RAB3C: variants seen among roughly 807,000 people sequenced by gnomAD.
RAB3C encodes the protein ras-related protein Rab-3C.
Under a neutral mutation model 26.4 loss-of-function variants are expected in RAB3C, and 17 were observed. The ratio of observed to expected loss-of-function variants is 0.64; its 90% CI spans 0.44 to 0.97. The LOEUF (loss-of-function observed/expected upper bound fraction) is 0.97, where lower values mean the gene tolerates loss of function less well. RAB3C is among the 50% of genes least tolerant of loss of function. The pLI is 0.00. For synonymous variants in RAB3C, 91 were observed against 95.9 expected (o/e 0.95, Z 0.30); for missense variants, 242 against 281.9 (o/e 0.86, Z 1.01).
Position 58,782,903 on chromosome 5 carries a change from TCA to T in RAB3C, c.372-42132_372-42131del, listed in dbSNP as rs966489037. ...TTTAAAATATGAAGGCTTTTCATTT[TCA>T]CAGCCTTTGATTGTACTATGTCCCA... is the stretch of plus-strand genomic sequence containing the variant. On this transcript the variant is annotated intron_variant, in intron 3 of 4. Transcript: ENST00000282878. Among the ~76,000 whole-genome samples, 5 of 152,262 alleles carry T rather than the reference TCA, an allele frequency of 3.3e-5. 1 individual carries two copies. Among genetic ancestry groups the T allele is most frequent in the Admixed American group, 6.5e-5 (1 of 15,278 alleles).
At chr5:58,704,398 C>T (rs1748904776) in intron 2 of RAB3C, among the ~76,000 whole-genome samples, 1 of 152,116 alleles carries the variant, frequency 6.6e-6, no homozygotes, top group Non-Finnish European at 1.5e-5. Context: ...GAGGAAGCAG[C>T]TAGACTTCCA....
At chr5:58,650,716 G>T (rs1747625899) in intron 2 of RAB3C, among the ~76,000 whole-genome samples, 1 of 152,102 alleles carries the variant, frequency 6.6e-6, no homozygotes, top group Non-Finnish European at 1.5e-5. Flanking sequence ...CATCTCTAAA[G>T]GTGTATCTGC....
rs112487366 is a variant in RAB3C, at chr5:58,595,159, A to G, written c.24+11927A>G. ...ACAGAGTTTAGCAGAGCAGAGTTGC[A>G]TAGCTTTGAGAACATATTTACTGTT... On this transcript the variant is annotated intron_variant, in intron 1 of 4. Transcript: ENST00000282878. 3.7e-3 allele frequency among the ~76,000 whole-genome samples: 557 copies of G among 152,280 alleles called. 4 individuals carry two copies. The highest frequency in any genetic ancestry group is 0.013 in the African/African-American group (523 of 41,568).
rs568520865 is a variant in RAB3C at position 58,760,462 on chromosome 5, A to G, written c.371+34342A>G. The stretch of plus-strand genomic sequence containing the variant: ...ATTGTTGTGAGAATTAAGCAAGCCC[A>G]TCTATGTAAAGGACTTAGCATGGCG... On this transcript the variant is annotated intron_variant, in intron 3 of 4. Coordinates refer to ENST00000282878, the MANE Select transcript of RAB3C (RefSeq NM_138453.4). Among the ~76,000 whole-genome samples, 14 of 152,334 alleles carry G rather than the reference A, an allele frequency of 9.2e-5. 1 individual carries two copies. Among genetic ancestry groups the G allele is most frequent in the African/African-American group, 3.4e-4 (14 of 41,574 alleles).
chr5:58,695,127 C>T (rs2111867023), intron 2 of RAB3C, among the ~76,000 whole-genome samples: 1 of 151,996 alleles, frequency 6.6e-6, no homozygotes, highest in African/African-American at 2.4e-5. Flanking sequence ...GGGAAGGGAT[C>T]CAGCTTCAGC....
chr5:58,821,996 GT>G (rs34762006), intron 3 of RAB3C, among the ~76,000 whole-genome samples: 2 of 151,512 alleles, frequency 1.3e-5, no homozygotes, highest in Non-Finnish European at 2.9e-5. Flanking sequence ...TTACAAATCT[GT>G]TTTTTTTCAA....
At chr5:58,822,017 AT>A (rs1159228437) in intron 3 of RAB3C, among the ~76,000 whole-genome samples, 2 of 151,750 alleles carry the variant, frequency 1.3e-5, no homozygotes, top group Non-Finnish European at 2.9e-5. Context: ...AACTTTAATC[AT>A]TTGTTTACGT....
At chr5:58,709,687 G>A (rs1009345945) in intron 2 of RAB3C, among the ~76,000 whole-genome samples, 70 of 152,160 alleles carry the variant, frequency 4.6e-4, no homozygotes, top group Non-Finnish European at 4.4e-5. Flanking sequence ...CAATCCTTTC[G>A]TCTTCTTTGT....
chr5:58,794,701 T>A (rs574384630), intron 3 of RAB3C, among the ~76,000 whole-genome samples: 2 of 152,354 alleles, frequency 1.3e-5, no homozygotes, highest in South Asian at 4.1e-4. Flanking sequence ...TTAATTCTCG[T>A]AACGTCTCTA....
At chr5:58,728,653 A>G (rs1266279536) in intron 3 of RAB3C, among the ~76,000 whole-genome samples, 1 of 152,018 alleles carries the variant, frequency 6.6e-6, no homozygotes, top group Non-Finnish European at 1.5e-5. Context: ...TTGACAACAT[A>G]TACAAGCCCA....
At chr5:58,824,954 C>G (rs576286203) in intron 3 of RAB3C, 84 bp from the exon 4 acceptor site, 2 of 906,770 alleles carry the variant, frequency 2.2e-6, no homozygotes, top group Admixed American at 5.1e-5. Context: ...CTACCATCAT[C>G]ATCTGTGGAA....
intron 3 of RAB3C, among the ~76,000 whole-genome samples, chr5:58,776,479 C>T (rs1024985410): frequency 2.6e-5 from 4 of 152,110 alleles, no homozygotes; most frequent in African/African-American, 4.8e-5. Context: ...TAGTCTTAGC[C>T]TGTTTGTTAA....
chr5:58,781,376 G>C (rs1032490625), intron 3 of RAB3C, among the ~76,000 whole-genome samples: 25 of 151,706 alleles, frequency 1.6e-4, no homozygotes, highest in African/African-American at 6.0e-4. Flanking sequence ...TTCTAATTTG[G>C]CTTCTGTATT....
At chr5:58,727,928 C>G (rs1740925516) in intron 3 of RAB3C, among the ~76,000 whole-genome samples, 1 of 152,004 alleles carries the variant, frequency 6.6e-6, no homozygotes, top group African/African-American at 2.4e-5. Context: ...ATGCCTTCAT[C>G]TCTTACTATT....
intron 2 of RAB3C, among the ~76,000 whole-genome samples, chr5:58,623,638 C>T (rs146506039): frequency 5.3e-5 from 8 of 152,352 alleles, no homozygotes; most frequent in African/African-American, 9.6e-5. Flanking sequence ...AACGCAGGAG[C>T]TCCTACATCC....
intron 3 of RAB3C, among the ~76,000 whole-genome samples, chr5:58,749,506 G>T (rs1044367128): frequency 6.6e-6 from 1 of 152,190 alleles, no homozygotes; most frequent in African/African-American, 2.4e-5. Context: ...TAGGAGCAAG[G>T]AGAGAATATT....
chr5:58,707,850 T>C (rs918406898), intron 2 of RAB3C, among the ~76,000 whole-genome samples: 6 of 151,874 alleles, frequency 4.0e-5, no homozygotes, highest in African/African-American at 7.3e-5. Flanking sequence ...ACTCTATTTT[T>C]CCCCCCAGCC....
rs535255518 is a variant in RAB3C at position 58,733,771 on chromosome 5, A to G, written c.371+7651A>G. Among the ~76,000 whole-genome samples, 23 of 152,310 alleles carry G rather than the reference A, an allele frequency of 1.5e-4. No individual in the cohort carries two copies. In the South Asian group the frequency reaches 4.4e-3, roughly 29 times the overall value. ...TGACCAGAGAGTTTACTGGGTTTCA[A>G]TTAGAACATGACCTCAAGTACCTGG... On this transcript the variant is annotated intron_variant, in intron 3 of 4. Transcript: ENST00000282878.
rs113855367 is a variant in RAB3C at position 58,583,223 on chromosome 5, G to T, written c.15G>T (p.Ala5=). MRHE[A]PMQMASAQDA... is the part of the protein sequence containing the mutation. ...ATTTGCCAACAATGAGACACGAAGC[G>T]CCCATGCAGGTGGGTCCATAAAGAA... is the stretch of plus-strand genomic sequence containing the variant. The change falls in exon 1 of 5, where the codon GCG becomes GCT. Residue 5 remains alanine, a synonymous_variant. Coordinates refer to ENST00000282878, the MANE Select transcript of RAB3C (RefSeq NM_138453.4). 25 of 1,614,092 alleles carry T rather than the reference G, an allele frequency of 1.5e-5. No homozygotes were observed. The African/African-American group carries it at 1.9e-4, about 12-fold the overall frequency.
Sources: gnomAD v4.1 joint callset for allele counts (sites outside exome capture counted in the v4.1 genomes callset) on GRCh38, gnomAD v4.1.1 for gene constraint, MANE v1.5 for transcripts, NCBI Gene and HGNC (gene_info 2026-07-23, HGNC 2026-07-21) for gene names.